Variants in LATS2 observed in about 807,000 individuals in gnomAD.
LATS2 encodes serine/threonine-protein kinase LATS2.
Under a neutral mutation model 76.0 loss-of-function variants are expected in LATS2, and 24 were observed. That is an observed-to-expected ratio of 0.32 (90% CI 0.23 to 0.44). The LOEUF (loss-of-function observed/expected upper bound fraction) is 0.44. Ranked by LOEUF, LATS2 falls within the 20% of genes least tolerant of loss-of-function variation. The probability of loss-of-function intolerance (pLI) is 1.00; values close to 1 mark genes in which losing one functional copy is unlikely to be tolerated. For synonymous variants in LATS2, 692 were observed against 635.4 expected (o/e 1.09, Z -1.34); for missense variants, 1,286 against 1,481.2 (o/e 0.87, Z 2.16).
chr13:20,978,298 C>T (rs1011115500), intron 7 of LATS2, among the ~76,000 whole-genome samples: 2 of 152,006 alleles, frequency 1.3e-5, no homozygotes, highest in Non-Finnish European at 2.9e-5. Context: ...CACATGACCA[C>T]CAGGGCATGT....
At position 20,996,017 on chromosome 13, in the gene LATS2, A is replaced by G. The variant is rs1335953960; in HGVS notation, c.343-4613T>C. ...AGCTTAATTTAGGAAAGCTTAATTT[A>G]GGATTGGGCTAATGTCTCATAGAAA... On this transcript the variant is annotated intron_variant, in intron 2 of 7. Transcript: ENST00000382592. Among the ~76,000 whole-genome samples, 6 of 152,342 alleles carry G rather than the reference A, an allele frequency of 3.9e-5. No homozygotes were observed. In the East Asian group the frequency reaches 1.2e-3, roughly 29 times the overall value.
chr13:21,013,061 G>C (rs1555225843), intron 2 of LATS2, among the ~76,000 whole-genome samples: 7 of 152,128 alleles, frequency 4.6e-5, no homozygotes, highest in Non-Finnish European at 1.0e-4. Flanking sequence ...GCAGTGTAAG[G>C]CTCTGTTCTA....
At chr13:21,056,638 T>C (rs959431103) in intron 1 of LATS2, among the ~76,000 whole-genome samples, 14 of 152,272 alleles carry the variant, frequency 9.2e-5, no homozygotes, top group African/African-American at 3.4e-4. Flanking sequence ...TTGCCTCCTC[T>C]GCACCCCTCC....
chr13:20,989,413 G>C (rs1870411843), intron 3 of LATS2, 109 bp from the exon 4 acceptor site: 4 of 1,158,980 alleles, frequency 3.5e-6, no homozygotes, highest in Non-Finnish European at 5.0e-6. Context: ...TGAGGGTCTT[G>C]AACCCTGGGC....
At position 20,991,497 on chromosome 13, in the gene LATS2, G is replaced by A. The variant is rs927192954; in HGVS notation, c.343-93C>T. 2.6e-5 allele frequency: 38 copies of A among 1,447,876 alleles called. No homozygotes were observed. The highest frequency in any genetic ancestry group is 1.2e-4 in the Admixed American group (7 of 56,532). 89.7% of individuals were successfully genotyped at this position (1,447,876 alleles called of 1,614,324 possible). A position where few individuals can be genotyped will look rare whatever the true frequency, so the allele number is the denominator to read the frequency against. On this transcript the variant is annotated intron_variant, in intron 2 of 7. Transcript: ENST00000382592. This position sits in a 1 kb window ranked among gnomAD's most constrained non-coding sequence, Gnocchi z 4.9. ...CCCACTCCGTGCTGGACTGTGCTGG[G>A]ACACTTCGCCTCTGTACTGCTGAGA...
chr13:21,000,538 G>A (rs954360889), intron 2 of LATS2, among the ~76,000 whole-genome samples: 1 of 151,938 alleles, frequency 6.6e-6, no homozygotes, highest in Non-Finnish European at 1.5e-5. Flanking sequence ...TTTATCCTCA[G>A]GCTAAAATAA....
chr13:21,033,247 AGAGAAACAGGGAGG>A (rs1243251094), intron 2 of LATS2, among the ~76,000 whole-genome samples: 1 of 152,110 alleles, frequency 6.6e-6, no homozygotes, highest in East Asian at 1.9e-4. Flanking sequence ...TGAGAAAGAA[AGAGAAACAGGGAGG>A]ATGGGAGAGA....
intron 1 of LATS2, among the ~76,000 whole-genome samples, chr13:21,051,661 G>A (rs1228979555): frequency 1.3e-5 from 2 of 152,162 alleles, no homozygotes; most frequent in Admixed American, 6.5e-5. Flanking sequence ...GACCAAAGGT[G>A]AAAAAGCACA....
intron 2 of LATS2, among the ~76,000 whole-genome samples, chr13:21,001,283 C>T (rs1871027839): frequency 6.6e-6 from 1 of 152,214 alleles, no homozygotes; most frequent in Non-Finnish European, 1.5e-5. Context: ...ACACACATGG[C>T]ATGGTTTCAG....
chr13:20,987,267 G>C (rs117527855), intron 4 of LATS2, among the ~76,000 whole-genome samples: 4,429 of 152,190 alleles, frequency 0.029, 80 homozygotes, highest in East Asian at 0.06. Flanking sequence ...AAAAATCAGT[G>C]AATACGGGAC....
intron 2 of LATS2, among the ~76,000 whole-genome samples, chr13:21,036,174 G>A (rs1872678780): frequency 1.3e-5 from 2 of 152,086 alleles, no homozygotes; most frequent in East Asian, 1.9e-4. Context: ...GGGATTACAG[G>A]CGTGAGCCAC....
chr13:20,990,483 TTTTTA>T lies in LATS2; in HGVS notation c.475+784_475+788del, dbSNP rs1486380559. Among the ~76,000 whole-genome samples, 586 of 141,134 alleles carry T rather than the reference TTTTTA, an allele frequency of 4.2e-3. 16 individuals carry two copies. The highest frequency in any genetic ancestry group is 0.014 in the African/African-American group (531 of 36,846). 92.6% of individuals were successfully genotyped at this position (141,134 alleles called of 152,430 possible). ...AGGATTTTTTTTTTTTTTTTTTTTT[TTTTTA>T]AATACAGACGAGGTCTCCCTCTGTT... On this transcript the variant is annotated intron_variant, in intron 3 of 7. Transcript: ENST00000382592.
At chr13:21,003,202 T>C (rs1014351197) in intron 2 of LATS2, among the ~76,000 whole-genome samples, 2 of 143,670 alleles carry the variant, frequency 1.4e-5, no homozygotes, top group African/African-American at 5.4e-5. Context: ...TGATTGCTGG[T>C]GTGATCAGTG....
intron 1 of LATS2, among the ~76,000 whole-genome samples, chr13:21,057,194 G>A (rs1180020194): frequency 6.6e-6 from 1 of 152,124 alleles, no homozygotes; most frequent in Non-Finnish European, 1.5e-5. Context: ...GGGTCTATAG[G>A]ATCTAAACTA....
At chr13:21,019,322 A>C (rs9552327) in intron 2 of LATS2, among the ~76,000 whole-genome samples, 16,904 of 146,182 alleles carry the variant, frequency 0.12, 1,790 homozygotes, top group East Asian at 0.43. Flanking sequence ...TATTATTATT[A>C]TTATTATTAT....
chr13:20,990,402 G>C (rs1870453747), intron 3 of LATS2, among the ~76,000 whole-genome samples: 1 of 149,518 alleles, frequency 6.7e-6, no homozygotes. Flanking sequence ...TCACCCACAT[G>C]AAGTAGGTTT....
chr13:20,982,388 C>A (rs543644951), intron 5 of LATS2, among the ~76,000 whole-genome samples: 1 of 152,174 alleles, frequency 6.6e-6, no homozygotes, highest in African/African-American at 2.4e-5. Context: ...CTCAGCTCAC[C>A]GCAACCTCTG....
At chr13:21,030,361 G>A (rs559528505) in intron 2 of LATS2, among the ~76,000 whole-genome samples, 8 of 151,934 alleles carry the variant, frequency 5.3e-5, no homozygotes, top group East Asian at 3.9e-4. Flanking sequence ...AGGCCGACAC[G>A]GGTGGATCAC....
At chr13:20,982,862 G>A (rs1197260881) in intron 5 of LATS2, among the ~76,000 whole-genome samples, 1 of 151,510 alleles carries the variant, frequency 6.6e-6, no homozygotes, top group Non-Finnish European at 1.5e-5. Flanking sequence ...GTGGTGGTGC[G>A]TGACTGTAAT....
Sources: gnomAD v4.1 joint callset for allele counts (sites outside exome capture counted in the v4.1 genomes callset) on GRCh38, gnomAD v4.1.1 for gene constraint, Gnocchi (gnomAD v3.1) non-coding constraint, MANE v1.5 for transcripts, NCBI Gene and HGNC (gene_info 2026-07-23, HGNC 2026-07-21) for gene names.